The following PAQR5 variants were observed in gnomAD, a reference collection of about 807,000 sequenced individuals.
PAQR5 encodes membrane progestin receptor gamma.
Under a neutral mutation model 34.5 loss-of-function variants are expected in PAQR5, and 20 were observed. The observed-to-expected ratio is 0.58, with a 90% confidence interval of 0.41 to 0.84. The LOEUF is 0.84. PAQR5 is among the 40% of genes least tolerant of loss of function. The pLI, the probability that PAQR5 is intolerant of heterozygous loss-of-function variation, is 0.00. For synonymous variants in PAQR5, 131 were observed against 155.6 expected, an observed-to-expected ratio of 0.84 and a Z score of 1.18; for missense variants, 378 against 412.7, an observed-to-expected ratio of 0.92 and a Z score of 0.73.
chr15:69,360,153 A>G, intron 3 of PAQR5, 22 bp downstream of exon 3: 1 of 1,595,328 alleles, frequency 6.3e-7, no homozygotes, highest in Non-Finnish European at 8.6e-7. Context: ...ATTGATTATG[A>G]TGGTTCATTT....
intron 5 of PAQR5, among the ~76,000 whole-genome samples, chr15:69,388,268 G>C (rs2056166365): frequency 6.6e-6 from 1 of 152,204 alleles, no homozygotes; most frequent in Non-Finnish European, 1.5e-5. Flanking sequence ...GAATCCTTCA[G>C]TGGCTCCCTT....
rs1347828733 is a variant in PAQR5, at chr15:69,385,701, T to C, written c.385+819T>C. Among the ~76,000 whole-genome samples the C allele has an allele frequency of 2.0e-5, 3 of 152,054 alleles. No homozygotes were observed. Among genetic ancestry groups the C allele is most frequent in the Non-Finnish European group, 2.9e-5 (2 of 68,000 alleles). On this transcript the variant is annotated intron_variant, in intron 5 of 8. Transcript: ENST00000395407. This position sits in a 1 kb window ranked among gnomAD's most constrained non-coding sequence, Gnocchi z 4.7. ...TCTTCCTTGCCCAAGAGGTTGTCCA[T>C]GAGGAGCCTACCTCCATCCTCTTTC...
intron 3 of PAQR5, among the ~76,000 whole-genome samples, chr15:69,366,853 CTG>C (rs2055416188): frequency 6.6e-6 from 1 of 151,842 alleles, no homozygotes; most frequent in Admixed American, 6.6e-5. Context: ...TATTTTGAGC[CTG>C]TGTTTTTTAG....
intron 1 of PAQR5, among the ~76,000 whole-genome samples, chr15:69,331,593 A>C (rs2140670410): frequency 6.6e-6 from 1 of 152,026 alleles, no homozygotes; most frequent in Non-Finnish European, 1.5e-5. Context: ...ACATTTGGTA[A>C]GCCCTAAAGA....
chr15:69,359,618 T>G (rs2055180729), intron 2 of PAQR5, among the ~76,000 whole-genome samples: 1 of 152,140 alleles, frequency 6.6e-6, no homozygotes, highest in Admixed American at 6.5e-5. Context: ...ACATAACTGA[T>G]TAGATCAGGG....
chr15:69,357,548 G>A (rs958344973), intron 2 of PAQR5, among the ~76,000 whole-genome samples: 15 of 152,120 alleles, frequency 9.9e-5, no homozygotes, highest in African/African-American at 2.9e-4. Flanking sequence ...ACAGGTGTGC[G>A]CTACCACACT....
Position 69,300,941 on chromosome 15 carries a change from T to C in PAQR5, c.-277+1885T>C, listed in dbSNP as rs199609547. On this transcript the variant is annotated intron_variant, in intron 1 of 8. Coordinates refer to ENST00000395407, the MANE Select transcript of PAQR5 (RefSeq NM_017705.4). ...TCTCTCTCTCTCTCTCTCTCTCTCT[T>C]TCTTTCCTTCTTTCTTTCTTTCTTT... Among the ~76,000 whole-genome samples, 239 of 33,246 alleles carry C rather than the reference T, an allele frequency of 7.2e-3. 42 individuals are homozygous for C. Among genetic ancestry groups the C allele is most frequent in the African/African-American group, 0.015 (161 of 10,976 alleles). 21.8% of individuals were successfully genotyped at this position (33,246 alleles called of 152,430 possible). A position where few individuals can be genotyped will look rare whatever the true frequency, so the allele number is the denominator to read the frequency against.
chr15:69,341,068 T>G (rs1017721841), intron 2 of PAQR5, among the ~76,000 whole-genome samples: 6 of 152,198 alleles, frequency 3.9e-5, no homozygotes, highest in African/African-American at 1.4e-4. Context: ...TCGTTGGTAT[T>G]GAGTACATTC....
chr15:69,363,426 C>T (rs575321979), intron 3 of PAQR5, among the ~76,000 whole-genome samples: 1 of 152,110 alleles, frequency 6.6e-6, no homozygotes, highest in South Asian at 2.1e-4. Context: ...TTACACAGAC[C>T]CCTTTAGAGA....
rs144160351 is a variant in PAQR5 at position 69,302,293 on chromosome 15, G to A, written c.-277+3237G>A. On this transcript the variant is annotated intron_variant, in intron 1 of 8. Coordinates refer to ENST00000395407, the MANE Select transcript of PAQR5 (RefSeq NM_017705.4). The stretch of plus-strand genomic sequence containing the variant: ...TCACTATGTTGCCCAGGCTGCTCTC[G>A]AACTCCTGAGTTCAAGCGATCTGTC... 1.9e-3 allele frequency among the ~76,000 whole-genome samples: 294 copies of A among 152,044 alleles called. 1 individual carries two copies. The highest frequency in any genetic ancestry group is 3.2e-3 in the Non-Finnish European group (217 of 67,980).
At position 69,377,301 on chromosome 15, in the gene PAQR5, G is replaced by A. The variant is rs191296799; in HGVS notation, c.52-2582G>A. 1.1e-4 allele frequency among the ~76,000 whole-genome samples: 17 copies of A among 152,280 alleles called. No homozygotes were observed. In the East Asian group the frequency reaches 2.9e-3, roughly 26 times the overall value. ...AGGCTTTCCGAGTCCTGCCAAGCAC[G>A]TGCCGTCCTCCTCCACAGGATCAAA... On this transcript the variant is annotated intron_variant, in intron 3 of 8. Transcript: ENST00000395407.
chr15:69,341,928 A>AG (rs1447780055), intron 2 of PAQR5, among the ~76,000 whole-genome samples: 2 of 2,596 alleles, frequency 7.7e-4, no homozygotes, highest in Non-Finnish European at 0.077. Flanking sequence ...ACCCTGTCTC[A>AG]AAAAAAAAAA....
chr15:69,322,397 AG>A (rs2054118210), intron 1 of PAQR5, among the ~76,000 whole-genome samples: 1 of 149,270 alleles, frequency 6.7e-6, no homozygotes, highest in South Asian at 2.1e-4. Flanking sequence ...ATAAGACAGG[AG>A]GCAGAGGTTG....
chr15:69,363,565 G>A (rs1325256493), intron 3 of PAQR5, among the ~76,000 whole-genome samples: 1 of 65,726 alleles, frequency 1.5e-5, no homozygotes. Flanking sequence ...TTTTTTTTTT[G>A]AGACAGAGTC....
At position 69,343,333 on chromosome 15, in the gene PAQR5, G is replaced by A. The variant is rs374364429; in HGVS notation, c.-116+5832G>A. On this transcript the variant is annotated intron_variant, in intron 2 of 8. Transcript: ENST00000395407. ...CCTTTATTAGGATAATAGGCTGTCT[G>A]GGGGAACGCCAGGTAACCCTGGACT... Among the ~76,000 whole-genome samples, 5 of 152,344 alleles carry A rather than the reference G, an allele frequency of 3.3e-5. No individual in the cohort carries two copies. In the East Asian group the frequency reaches 9.6e-4, roughly 29 times the overall value.
intron 2 of PAQR5, among the ~76,000 whole-genome samples, chr15:69,359,141 C>A (rs1020194721): frequency 6.6e-6 from 1 of 152,160 alleles, no homozygotes; most frequent in African/African-American, 2.4e-5. Context: ...AACAAGCTCC[C>A]TCACACCTCT....
rs1159767889 is a variant in PAQR5, at chr15:69,384,335, C to G, written c.180-342C>G. Among the ~76,000 whole-genome samples the G allele has an allele frequency of 1.1e-3, 119 of 112,286 alleles. 1 individual carries two copies. Among genetic ancestry groups the G allele is most frequent in the African/African-American group, 3.9e-3 (109 of 27,912 alleles). The allele number at this position is 112,286 out of a possible 152,430, so 73.7% of individuals were successfully genotyped here. ...GGGTGAGTGGGCCCTCCGTGTTCATCGCGGAGGGTGAGTGGGCCCTCCGTG... is the reference window on the plus strand; with the variant it reads ...GGGTGAGTGGGCCCTCCGTGTTCATGGCGGAGGGTGAGTGGGCCCTCCGTG... On this transcript the variant is annotated intron_variant, in intron 4 of 8. Transcript: ENST00000395407.
intron 5 of PAQR5, 125 bp from the exon 6 acceptor site, chr15:69,389,529 G>A (rs548801218): frequency 4.0e-5 from 49 of 1,219,732 alleles, no homozygotes; most frequent in Admixed American, 2.5e-4. Flanking sequence ...TGGCACCAGC[G>A]AGGGCGCAGA....
intron 8 of PAQR5, among the ~76,000 whole-genome samples, chr15:69,402,988 G>A (rs1367180124): frequency 1.3e-5 from 2 of 152,250 alleles, no homozygotes; most frequent in African/African-American, 4.8e-5. Flanking sequence ...AAGAGTCCTG[G>A]TCATATCTGT....
Sources: gnomAD v4.1 joint callset for allele counts (sites outside exome capture counted in the v4.1 genomes callset) on GRCh38, gnomAD v4.1.1 for gene constraint, Gnocchi (gnomAD v3.1) non-coding constraint, MANE v1.5 for transcripts, NCBI Gene and HGNC (gene_info 2026-07-23, HGNC 2026-07-21) for gene names.